ARHGAP18: variants seen among roughly 807,000 people sequenced by gnomAD.
ARHGAP18 encodes Rho GTPase activating protein 18.
A neutral mutation model predicts 86.2 loss-of-function variants in ARHGAP18; 67 were observed. The observed-to-expected ratio is 0.78, with a 90% confidence interval of 0.64 to 0.95. The LOEUF is 0.95. Ranked by LOEUF, ARHGAP18 falls within the 40% of genes least tolerant of loss-of-function variation. The pLI is 0.00. For missense variants in ARHGAP18, 691 were observed against 780.4 expected, an observed-to-expected ratio of 0.89 and a Z score of 1.37; for synonymous variants, 283 against 280.4, an observed-to-expected ratio of 1.01 and a Z score of -0.09.
intron 1 of ARHGAP18, among the ~76,000 whole-genome samples, chr6:129,683,048 G>GTTTTTTT (rs201451790): frequency 7.4e-6 from 1 of 134,902 alleles, no homozygotes; most frequent in Admixed American, 7.5e-5. Flanking sequence ...AATGTGTTTT[G>GTTTTTTT]TTTTTTCTTT....
intron 13 of ARHGAP18, among the ~76,000 whole-genome samples, chr6:129,583,126 A>C (rs1380007320): frequency 6.6e-6 from 1 of 152,184 alleles, no homozygotes; most frequent in African/African-American, 2.4e-5. Flanking sequence ...TGTTAGAATG[A>C]GGAGATTAAA....
intron 1 of ARHGAP18, among the ~76,000 whole-genome samples, chr6:129,701,620 A>T (rs916038834): frequency 5.3e-5 from 8 of 152,112 alleles, no homozygotes; most frequent in Non-Finnish European, 1.0e-4. Context: ...AAATACAAAA[A>T]TTAGCCAGGC....
chr6:129,661,853 C>T, intron 1 of ARHGAP18: 6 of 985,350 alleles, frequency 6.1e-6, no homozygotes, highest in Non-Finnish European at 7.2e-6. Flanking sequence ...ACCCAGCGAA[C>T]AATTTTCCTG....
intron 5 of ARHGAP18, among the ~76,000 whole-genome samples, chr6:129,622,270 C>G (rs1789245625): frequency 6.6e-6 from 1 of 152,164 alleles, no homozygotes; most frequent in Non-Finnish European, 1.5e-5. Flanking sequence ...TCACATTTTT[C>G]CCATGTTTGG....
chr6:129,628,878 A>C (rs1039452783), intron 5 of ARHGAP18, among the ~76,000 whole-genome samples: 1 of 152,184 alleles, frequency 6.6e-6, no homozygotes, highest in African/African-American at 2.4e-5. Flanking sequence ...AAGTTTTGAT[A>C]TGACTGTATA....
chr6:129,604,796 G>GAATA (rs1217396818), intron 10 of ARHGAP18, among the ~76,000 whole-genome samples: 1 of 152,134 alleles, frequency 6.6e-6, no homozygotes, highest in Admixed American at 6.5e-5. Flanking sequence ...TTAGGAAAGG[G>GAATA]AATAACCCTT....
In ARHGAP18 at chr6:129,634,094, G is replaced by A. The variant is rs147325546; in HGVS notation, c.564C>T (p.Gly188=). Residue 188 remains glycine (G), a synonymous_variant, in exon 4 of 15, where the codon GGC becomes GGT. Transcript: ENST00000368149. ...QRESKETAPG[G]TESQSLRTNE... ...TTGTTCTAAGTGACTGCGATTCAGTGCCACCTGGAGCCTAAACATAGAAAA... is the reference window on the plus strand; with the variant it reads ...TTGTTCTAAGTGACTGCGATTCAGTACCACCTGGAGCCTAAACATAGAAAA... 729 of 1,613,108 alleles carry A rather than the reference G, an allele frequency of 4.5e-4. 5 individuals are homozygous for A. The highest frequency in any genetic ancestry group is 9.2e-5 in the Non-Finnish European group (108 of 1,179,732).
At chr6:129,668,293 G>A (rs1774078450) in intron 1 of ARHGAP18, among the ~76,000 whole-genome samples, 1 of 150,802 alleles carries the variant, frequency 6.6e-6, no homozygotes, top group Non-Finnish European at 1.5e-5. Context: ...TCAGTGCATG[G>A]AGCACATGTG....
At chr6:129,601,928 C>CCT (rs2114450115) in intron 10 of ARHGAP18, among the ~76,000 whole-genome samples, 1 of 152,178 alleles carries the variant, frequency 6.6e-6, no homozygotes, top group South Asian at 2.1e-4. Flanking sequence ...CCATACCCAG[C>CCT]TGAGAATTTT....
Position 129,672,354 on chromosome 6 carries a change from T to G in ARHGAP18, c.114-30336A>C, listed in dbSNP as rs577344447. Among the ~76,000 whole-genome samples, 10 of 152,336 alleles carry G rather than the reference T, an allele frequency of 6.6e-5. No homozygotes were observed. The East Asian group carries it at 1.9e-3, about 29-fold the overall frequency. ...CAGCCTCCTCACTGTCTCTGGGACC[T>G]TCCAGTTCCATCCCTTTATGTCAGT... On this transcript the variant is annotated intron_variant, in intron 1 of 14. Coordinates refer to ENST00000368149, the MANE Select transcript of ARHGAP18 (RefSeq NM_033515.3).
At chr6:129,670,114 A>C (rs73776356) in intron 1 of ARHGAP18, among the ~76,000 whole-genome samples, 2,743 of 152,290 alleles carry the variant, frequency 0.018, 72 homozygotes, top group African/African-American at 0.063. Flanking sequence ...GACTGAAATA[A>C]AGACAGTTTT....
chr6:129,678,322 A>T (rs1584109040), intron 1 of ARHGAP18, among the ~76,000 whole-genome samples: 2 of 152,292 alleles, frequency 1.3e-5, no homozygotes, highest in South Asian at 4.1e-4. Flanking sequence ...TTCTCTATTG[A>T]TCTCTTTTCC....
intron 12 of ARHGAP18, among the ~76,000 whole-genome samples, chr6:129,598,058 A>G (rs1487025454): frequency 1.3e-5 from 2 of 152,180 alleles, no homozygotes; most frequent in Non-Finnish European, 2.9e-5. Flanking sequence ...AGACAAGACT[A>G]TAAAGTCACT....
chr6:129,641,969 C>A lies in ARHGAP18; in HGVS notation c.163G>T (p.Val55Phe). The change falls in exon 2 of 15, where the codon GTT becomes TTT. Residue 55 changes from valine (V) to phenylalanine (F), a missense_variant. By Grantham distance (50) the Val-to-Phe change is conservative (BLOSUM62 -1). Coordinates refer to ENST00000368149, the MANE Select transcript of ARHGAP18 (RefSeq NM_033515.3). ...CGATCAAATGGAGGCTTCTCCATAA[C>A]TTTGATGGTGGTGCTTTCCTGGTTC... ...TMNQESTTIKVMEKPPFDRSI... is the reference protein window; with the variant it reads ...TMNQESTTIKFMEKPPFDRSI... 1 of 1,613,940 alleles carries A rather than the reference C, an allele frequency of 6.2e-7. No homozygotes were observed. Among genetic ancestry groups the A allele is most frequent in the Admixed American group, 1.7e-5 (1 of 60,006 alleles).
At chr6:129,599,412 C>A in intron 11 of ARHGAP18, 56 bp from the exon 12 acceptor site, 4 of 1,331,482 alleles carry the variant, frequency 3.0e-6, no homozygotes, top group East Asian at 2.8e-5. Flanking sequence ...CCATTTTAAA[C>A]TACAAAAAAA....
At chr6:129,598,671 T>C (rs2114445939) in intron 12 of ARHGAP18, among the ~76,000 whole-genome samples, 1 of 152,302 alleles carries the variant, frequency 6.6e-6, no homozygotes, top group African/African-American at 2.4e-5. Flanking sequence ...CATCTTAATT[T>C]TTTTCTTTCC....
At chr6:129,703,955 C>T (rs1774760602) in intron 1 of ARHGAP18, among the ~76,000 whole-genome samples, 1 of 150,152 alleles carries the variant, frequency 6.7e-6, no homozygotes, top group Non-Finnish European at 1.5e-5. Context: ...TCATTACCAT[C>T]CCTTTTTTTC....
chr6:129,609,159 C>T (rs553603078), intron 8 of ARHGAP18, among the ~76,000 whole-genome samples: 1 of 151,434 alleles, frequency 6.6e-6, no homozygotes, highest in Non-Finnish European at 1.5e-5. Context: ...GAGGAAGATC[C>T]AGAGAAGAGA....
intron 3 of ARHGAP18, 105 bp from the exon 4 acceptor site, chr6:129,634,210 C>CTTT: frequency 1.1e-6 from 1 of 927,196 alleles, no homozygotes; most frequent in Non-Finnish European, 1.7e-6. Flanking sequence ...GACATGTACT[C>CTTT]AGAATTATAA....
Sources: gnomAD v4.1 joint callset for allele counts (sites outside exome capture counted in the v4.1 genomes callset) on GRCh38, gnomAD v4.1.1 for gene constraint, MANE v1.5 for transcripts, NCBI Gene and HGNC (gene_info 2026-07-23, HGNC 2026-07-21) for gene names.